Variants in TYW1B observed in about 807,000 individuals in gnomAD.
The protein encoded by TYW1B is S-adenosyl-L-methionine-dependent tRNA 4-demethylwyosine synthase TYW1B.
In TYW1B, 73 loss-of-function variants were observed where a neutral mutation model predicts 86.9. The observed-to-expected ratio is 0.84, with a 90% CI of 0.70 to 1.02. TYW1B has a LOEUF of 1.02. Among genes scored for constraint, TYW1B ranks in the 50% least tolerant of loss-of-function variants. The probability of loss-of-function intolerance (pLI) is 0.00; values close to 1 mark genes in which losing one functional copy is unlikely to be tolerated. For missense variants in TYW1B, 637 were observed against 827.4 expected (o/e 0.77, Z 2.82); for synonymous variants, 248 against 292.8 (o/e 0.85, Z 1.56).
chr7:72,633,571 T>G (rs1812595579), intron 11 of TYW1B, among the ~76,000 whole-genome samples: 1 of 152,220 alleles, frequency 6.6e-6, no homozygotes, highest in Admixed American at 6.5e-5. Context: ...CTCCTCCCAG[T>G]GAATATCCAC....
At chr7:72,759,735 AAGAG>A (rs1290279935) in intron 7 of TYW1B, among the ~76,000 whole-genome samples, 1 of 152,186 alleles carries the variant, frequency 6.6e-6, no homozygotes, top group Admixed American at 6.5e-5. Context: ...TATTCTTAAA[AAGAG>A]AGAGAGAAGT....
intron 11 of TYW1B, among the ~76,000 whole-genome samples, chr7:72,660,996 G>T (rs1407553079): frequency 6.7e-6 from 1 of 149,584 alleles, no homozygotes; most frequent in African/African-American, 2.4e-5. Context: ...TTAGCTAGGC[G>T]TGGTGGCACG....
chr7:72,721,842 A>G (rs1189614924), intron 9 of TYW1B, among the ~76,000 whole-genome samples: 1 of 152,226 alleles, frequency 6.6e-6, no homozygotes, highest in Non-Finnish European at 1.5e-5. Flanking sequence ...TCAGCAGAGT[A>G]ACTAACAAGC....
rs1787978365 is a variant in TYW1B, at chr7:72,777,540, TAAAA to T, written c.847-11_847-8del. On this transcript the variant is annotated splice_region_variant and splice_polypyrimidine_tract_variant and intron_variant, in intron 6 of 13. Transcript: ENST00000620995. The stretch of plus-strand genomic sequence containing the variant: ...CCTGCTGTTCCTTTTCTCTCTGCAT[TAAAA>T]TAAAAGAATGAAATCCAGAATTGGC... The T allele has an allele frequency of 3.1e-6, 5 of 1,613,494 alleles. No homozygotes were observed. Among genetic ancestry groups the T allele is most frequent in the Non-Finnish European group, 4.2e-6 (5 of 1,179,828 alleles).
chr7:72,636,575 T>C (rs1554440782), intron 11 of TYW1B, among the ~76,000 whole-genome samples: 6 of 152,252 alleles, frequency 3.9e-5, no homozygotes, highest in African/African-American at 1.4e-4. Flanking sequence ...AATATCTTTA[T>C]CAGATTAGGA....
At chr7:72,809,325 T>C (rs1453393643) in intron 4 of TYW1B, among the ~76,000 whole-genome samples, 3 of 152,086 alleles carry the variant, frequency 2.0e-5, no homozygotes, top group Non-Finnish European at 4.4e-5. Context: ...TTACAGGCGT[T>C]TGAGCCACCA....
At chr7:72,766,469 T>C (rs570201429) in intron 7 of TYW1B, among the ~76,000 whole-genome samples, 21 of 148,876 alleles carry the variant, frequency 1.4e-4, no homozygotes, top group Non-Finnish European at 2.1e-4. Flanking sequence ...TAAAAATTAG[T>C]TGGGAGTGGT....
chr7:72,826,966 C>A lies in TYW1B; in HGVS notation c.24G>T (p.Trp8Cys). Reference protein sequence around the residue: MDPSADTWDLSSPLISLW... With the variant: MDPSADTCDLSSPLISLW... ...ATGATATTAAAGGTGAGGAGAGGTC[C>A]CATGTATCCGCAGAAGGATCTAAAT... Residue 8 changes from tryptophan (W) to cysteine (C), a missense_variant, in exon 2 of 14, where the codon TGG (tryptophan) becomes TGT (cysteine). By Grantham distance (215) the Trp-to-Cys change is radical. Coordinates refer to ENST00000620995, the MANE Select transcript of TYW1B (RefSeq NM_001145440.3). The A allele has an allele frequency of 6.2e-7, 1 of 1,610,844 alleles. No homozygotes were observed. Among genetic ancestry groups the A allele is most frequent in the South Asian group, 1.1e-5 (1 of 90,466 alleles).
At chr7:72,763,595 T>C (rs1554467750) in intron 7 of TYW1B, among the ~76,000 whole-genome samples, 1 of 152,194 alleles carries the variant, frequency 6.6e-6, no homozygotes, top group Non-Finnish European at 1.5e-5. Context: ...TTAAGGTTTT[T>C]CTATCTATGT....
At chr7:72,794,365 G>A (rs531607160) in intron 6 of TYW1B, among the ~76,000 whole-genome samples, 1 of 152,218 alleles carries the variant, frequency 6.6e-6, no homozygotes, top group African/African-American at 2.4e-5. Context: ...AGACCAGCCT[G>A]GCCAACATGG....
At chr7:72,799,133 G>A (rs567702707) in intron 6 of TYW1B, among the ~76,000 whole-genome samples, 82 of 147,332 alleles carry the variant, frequency 5.6e-4, no homozygotes, top group African/African-American at 2.0e-3. Flanking sequence ...ATGAGCCACG[G>A]CAACTGACCG....
intron 13 of TYW1B, among the ~76,000 whole-genome samples, chr7:72,606,654 G>A (rs1448044057): frequency 1.3e-5 from 2 of 151,778 alleles, no homozygotes; most frequent in South Asian, 2.1e-4. Context: ...TCTAAGGGGG[G>A]AACAGTCACA....
At chr7:72,599,054 C>A (rs1161492608) in intron 13 of TYW1B, among the ~76,000 whole-genome samples, 1 of 152,124 alleles carries the variant, frequency 6.6e-6, no homozygotes, top group Non-Finnish European at 1.5e-5. Context: ...CTGGCATTAC[C>A]CTGATACCAA....
intron 7 of TYW1B, among the ~76,000 whole-genome samples, chr7:72,768,093 T>C (rs1787802687): frequency 6.6e-6 from 1 of 151,462 alleles, no homozygotes. Flanking sequence ...CTACAAAAAA[T>C]ACAAAAAAAA....
intron 6 of TYW1B, among the ~76,000 whole-genome samples, chr7:72,790,817 G>A (rs1463461566): frequency 2.6e-5 from 4 of 152,176 alleles, no homozygotes; most frequent in Admixed American, 6.5e-5. Context: ...GTTCCAGCAC[G>A]ACCAAGGGAG....
rs1428860287 is a variant in TYW1B at position 72,591,141 on chromosome 7, G to A, written c.1786-15422C>T. Among the ~76,000 whole-genome samples the A allele has an allele frequency of 1.4e-4, 21 of 150,202 alleles. 1 individual carries two copies. The South Asian group carries it at 2.7e-3, about 20-fold the overall frequency. On this transcript the variant is annotated intron_variant, in intron 13 of 13. Transcript: ENST00000620995. ...CAGGACAATGGAAATGATCACATCC[G>A]AATAGCAAAAAAAAAAGAAAGAAAA...
At chr7:72,634,145 A>G (rs1463763001) in intron 11 of TYW1B, among the ~76,000 whole-genome samples, 3 of 151,716 alleles carry the variant, frequency 2.0e-5, no homozygotes, top group African/African-American at 7.3e-5. Context: ...CATGAGTGCT[A>G]CTGTACTCAT....
chr7:72,625,207 A>T (rs1563035120), intron 12 of TYW1B, among the ~76,000 whole-genome samples: 1 of 152,304 alleles, frequency 6.6e-6, no homozygotes, highest in South Asian at 2.1e-4. Context: ...TTCACATAAA[A>T]TTTTTCATCT....
At chr7:72,641,535 A>T (rs1339242564) in intron 11 of TYW1B, among the ~76,000 whole-genome samples, 1 of 152,190 alleles carries the variant, frequency 6.6e-6, no homozygotes, top group Non-Finnish European at 1.5e-5. Context: ...ACCAAGTGGG[A>T]TTTATTCCAG....
Sources: allele counts gnomAD v4.1 joint callset (sites outside exome capture counted in the v4.1 genomes callset), GRCh38; gene constraint gnomAD v4.1.1; transcripts MANE v1.5; gene names NCBI Gene and HGNC (gene_info 2026-07-23, HGNC 2026-07-21).